PHTF1: variants seen among roughly 807,000 people sequenced by gnomAD.
The protein encoded by PHTF1 is protein PHTF1.
Under a neutral mutation model 102.4 loss-of-function variants are expected in PHTF1, and 88 were observed. The observed-to-expected ratio is 0.86, with a 90% CI of 0.72 to 1.03. The LOEUF (loss-of-function observed/expected upper bound fraction) is 1.03, where lower values mean the gene tolerates loss of function less well. Ranked by LOEUF, PHTF1 falls within the 50% of genes least tolerant of loss-of-function variation. PHTF1 has a pLI of 0.00. For missense variants in PHTF1, 814 were observed against 909.5 expected (o/e 0.89, Z 1.35); for synonymous variants, 289 against 305.2 (o/e 0.95, Z 0.55).
chr1:113,701,149 T>C (rs1557901787), intron 15 of PHTF1, among the ~76,000 whole-genome samples, 200 bp from the exon 16 acceptor site: 2 of 152,232 alleles, frequency 1.3e-5, no homozygotes, highest in Non-Finnish European at 2.9e-5. Context: ...TTTTCTCCTT[T>C]AGCAAGGGTC....
In PHTF1 at chr1:113,698,256, A is replaced by G. The variant is rs770129149; in HGVS notation, c.2268+6T>C. ...TAGGATGCTACAGAGTGGTGGTGAT[A>G]CTTACTCTTATATTAAATCCTAGAA... On this transcript the variant is annotated splice_donor_region_variant and intron_variant, in intron 18 of 18. Coordinates refer to ENST00000369604, the MANE Select transcript of PHTF1 (RefSeq NM_001323043.2). 7.5e-6 allele frequency: 12 copies of G among 1,600,280 alleles called. No homozygotes were observed. The African/African-American group carries it at 8.1e-5, about 11-fold the overall frequency.
chr1:113,724,540 CAA>C (rs61211077), intron 7 of PHTF1, among the ~76,000 whole-genome samples: 7 of 59,804 alleles, frequency 1.2e-4, no homozygotes, highest in Admixed American at 3.9e-4. Flanking sequence ...GACTCCATTT[CAA>C]AAAAAAAAAA....
intron 13 of PHTF1, among the ~76,000 whole-genome samples, chr1:113,705,305 T>C (rs1649954396): frequency 6.6e-6 from 1 of 151,982 alleles, no homozygotes. Flanking sequence ...TCGGGTGTGG[T>C]GGCGCAGGCC....
intron 3 of PHTF1, among the ~76,000 whole-genome samples, chr1:113,739,648 T>C (rs760391910): frequency 2.0e-5 from 3 of 152,236 alleles, no homozygotes; most frequent in Admixed American, 6.5e-5. Flanking sequence ...ATAGCCACCT[T>C]ACAGTGCTAC....
intron 5 of PHTF1, among the ~76,000 whole-genome samples, chr1:113,727,274 A>C: frequency 6.6e-6 from 1 of 152,200 alleles, no homozygotes; most frequent in East Asian, 1.9e-4. Flanking sequence ...GAAAGTACCC[A>C]GACAATAAAC....
chr1:113,719,540 A>G (rs1329979064), intron 7 of PHTF1, among the ~76,000 whole-genome samples: 1 of 152,076 alleles, frequency 6.6e-6, no homozygotes, highest in Non-Finnish European at 1.5e-5. Flanking sequence ...AACAAGAGTC[A>G]CCTTTGCTTC....
intron 15 of PHTF1, among the ~76,000 whole-genome samples, chr1:113,702,443 G>A (rs550794474): frequency 6.6e-6 from 1 of 152,014 alleles, no homozygotes; most frequent in South Asian, 2.1e-4. Context: ...CTAAGACTGT[G>A]AGGATGGATT....
intron 7 of PHTF1, among the ~76,000 whole-genome samples, chr1:113,722,378 G>T (rs1396093400): frequency 6.6e-6 from 1 of 151,968 alleles, no homozygotes; most frequent in African/African-American, 2.4e-5. Flanking sequence ...GGTGGAGCTT[G>T]CAGTGAGCCG....
intron 13 of PHTF1, among the ~76,000 whole-genome samples, chr1:113,705,383 G>A (rs772082811): frequency 6.6e-6 from 1 of 152,152 alleles, no homozygotes; most frequent in Non-Finnish European, 1.5e-5. Context: ...CAAGGCTGGA[G>A]TGAGCCGTGA....
In PHTF1 at chr1:113,738,125, G is replaced by C; in HGVS notation, c.316C>G (p.Leu106Val). The C allele has an allele frequency of 6.2e-7, 1 of 1,609,364 alleles. No individual in the cohort carries two copies. Among genetic ancestry groups the C allele is most frequent in the Non-Finnish European group, 8.5e-7 (1 of 1,176,642 alleles). Residue 106 changes from leucine (L) to valine (V), a missense_variant, in exon 5 of 19, where the codon CTT (leucine) becomes GTT (valine). Leu to Val is a conservative substitution (Grantham distance 32, BLOSUM62 1). Transcript: ENST00000369604. ...CTCCAATTACCTTGCATGAAATAAA[G>C]TAGTAACAGCCAAACAAAGATTCTT... ...SLRIFVWLLL[L>V]YFMQVIAIVL...
intron 7 of PHTF1, among the ~76,000 whole-genome samples, chr1:113,718,764 A>G (rs1018101285): frequency 2.0e-5 from 3 of 152,186 alleles, no homozygotes; most frequent in African/African-American, 7.2e-5. Context: ...CAACTGGGAC[A>G]TGGGACACCA....
intron 15 of PHTF1, among the ~76,000 whole-genome samples, chr1:113,702,415 G>A (rs1649547352): frequency 6.6e-6 from 1 of 151,650 alleles, no homozygotes; most frequent in African/African-American, 2.4e-5. Flanking sequence ...AGTTTAAATG[G>A]GCCAGACACT....
At chr1:113,759,491 T>C (rs999985432), upstream of PHTF1, 10 of 152,260 alleles carry the variant, frequency 6.6e-5, no homozygotes, top group African/African-American at 2.4e-4. Flanking sequence ...CCGTCTGAGA[T>C]CTGGGCTAGA....
chr1:113,709,782 G>T (rs1019274701), intron 11 of PHTF1, among the ~76,000 whole-genome samples: 2 of 152,116 alleles, frequency 1.3e-5, no homozygotes, highest in Non-Finnish European at 2.9e-5. Flanking sequence ...CTCTACATTG[G>T]TTGGAAGGTT....
At position 113,738,193 on chromosome 1, in the gene PHTF1, A is replaced by G; in HGVS notation, c.248T>C (p.Phe83Ser). 6.2e-7 allele frequency: 1 copy of G among 1,613,818 alleles called. No individual in the cohort carries two copies. Residue 83 changes from phenylalanine to serine, a missense_variant, in exon 5 of 19, where the codon TTT becomes TCT. Phe to Ser is a radical substitution (Grantham distance 155). Transcript: ENST00000369604. ...CCACCAATTGCTGAACAATGGAAAA[A>G]ATACAACTCGAACAAGCCCCTTCCG... ...LTRKGLVRVV[F>S]FPLFSNWWIQ...
intron 7 of PHTF1, among the ~76,000 whole-genome samples, chr1:113,721,098 C>T (rs1652860359): frequency 6.6e-6 from 1 of 152,094 alleles, no homozygotes; most frequent in African/African-American, 2.4e-5. Context: ...GACTGAGGCT[C>T]TGTCTCAAAT....
At chr1:113,727,792 C>T (rs1654064334) in intron 5 of PHTF1, among the ~76,000 whole-genome samples, 1 of 151,858 alleles carries the variant, frequency 6.6e-6, no homozygotes, top group African/African-American at 2.4e-5. Context: ...ACGGCAAAAC[C>T]CCATCTCCAC....
chr1:113,701,655 CT>C (rs1423646284), intron 15 of PHTF1, among the ~76,000 whole-genome samples: 1 of 151,738 alleles, frequency 6.6e-6, no homozygotes, highest in East Asian at 1.9e-4. Flanking sequence ...GCTCCATTGC[CT>C]TACAAGACCT....
intron 5 of PHTF1, among the ~76,000 whole-genome samples, chr1:113,735,714 C>T (rs995309001): frequency 2.6e-5 from 4 of 152,254 alleles, no homozygotes; most frequent in South Asian, 2.1e-4. Flanking sequence ...ACTTTCACAA[C>T]TTTAAAAAAA....
Sources: allele counts gnomAD v4.1 joint callset (sites outside exome capture counted in the v4.1 genomes callset), GRCh38; gene constraint gnomAD v4.1.1; transcripts MANE v1.5; gene names NCBI Gene and HGNC (gene_info 2026-07-23, HGNC 2026-07-21).